Variants in ZNF385D observed in about 807,000 individuals in gnomAD.
The protein encoded by ZNF385D is zinc finger protein 659.
In ZNF385D, 15 loss-of-function variants were observed where a neutral mutation model predicts 35.8. The observed-to-expected ratio is 0.42, with a 90% CI of 0.28 to 0.64. ZNF385D has a LOEUF of 0.64. ZNF385D is among the 30% of genes least tolerant of loss of function. The probability of loss-of-function intolerance (pLI) is 0.23; values close to 1 mark genes in which losing one functional copy is unlikely to be tolerated. For synonymous variants in ZNF385D, 212 were observed against 186.8 expected, an observed-to-expected ratio of 1.13 and a Z score of -1.10; for missense variants, 474 against 494.6, an observed-to-expected ratio of 0.96 and a Z score of 0.39.
intron 3 of ZNF385D, among the ~76,000 whole-genome samples, chr3:21,559,407 C>G (rs985075605): frequency 2.6e-5 from 4 of 152,160 alleles, no homozygotes; most frequent in Non-Finnish European, 4.4e-5. Context: ...TTTATTTCTC[C>G]TTCACTTACA....
chr3:21,773,735 A>C (rs1402999992), intron 3 of ZNF385D, among the ~76,000 whole-genome samples: 1 of 149,710 alleles, frequency 6.7e-6, no homozygotes, highest in Non-Finnish European at 1.5e-5. Flanking sequence ...ATCTCATGCC[A>C]GTCAGAATGG....
At chr3:21,516,817 T>C (rs114832952) in intron 3 of ZNF385D, among the ~76,000 whole-genome samples, 1,751 of 152,208 alleles carry the variant, frequency 0.012, 31 homozygotes, top group African/African-American at 0.04. Flanking sequence ...CTAGGAATTA[T>C]GAAGGATAGA....
At chr3:21,738,498 A>T (rs2069354410) in intron 1 of ZNF385D, among the ~76,000 whole-genome samples, 1 of 152,224 alleles carries the variant, frequency 6.6e-6, no homozygotes, top group Non-Finnish European at 1.5e-5. Context: ...AGCTATTATT[A>T]GTAAGTTACA....
chr3:22,082,372 T>C (rs1002337695), intron 3 of ZNF385D, among the ~76,000 whole-genome samples: 2 of 152,308 alleles, frequency 1.3e-5, no homozygotes, highest in Admixed American at 6.5e-5. Context: ...TCCAATGGTC[T>C]TAGCAAATGG....
chr3:21,889,293 T>G (rs1175653522), intron 3 of ZNF385D, among the ~76,000 whole-genome samples: 1 of 152,042 alleles, frequency 6.6e-6, no homozygotes, highest in Non-Finnish European at 1.5e-5. Flanking sequence ...AGATCCTCCC[T>G]AAGGGGCCAG....
At chr3:21,924,989 C>A (rs1415340897) in intron 3 of ZNF385D, among the ~76,000 whole-genome samples, 2 of 151,850 alleles carry the variant, frequency 1.3e-5, no homozygotes, top group African/African-American at 2.4e-5. Context: ...CTAAAAACTG[C>A]AAAACAATGA....
chr3:22,365,355 C>T (rs530227354), intron 2 of ZNF385D, among the ~76,000 whole-genome samples: 2 of 151,914 alleles, frequency 1.3e-5, no homozygotes, highest in African/African-American at 4.8e-5. Flanking sequence ...AATTGAAAAA[C>T]AAAAAAGAAT....
At chr3:21,638,375 C>T (rs954869933) in intron 2 of ZNF385D, among the ~76,000 whole-genome samples, 2 of 152,002 alleles carry the variant, frequency 1.3e-5, no homozygotes, top group Admixed American at 1.3e-4. Flanking sequence ...ATGTCTTTCT[C>T]TGAGGCAAAG....
At chr3:21,976,879 T>G (rs144522475) in intron 3 of ZNF385D, among the ~76,000 whole-genome samples, 5,729 of 152,180 alleles carry the variant, frequency 0.038, 160 homozygotes, top group Non-Finnish European at 0.059. Flanking sequence ...TCCCAGCTAC[T>G]TGGGAGGCTG....
chr3:21,858,204 C>G, intron 3 of ZNF385D, among the ~76,000 whole-genome samples: 1 of 150,254 alleles, frequency 6.7e-6, no homozygotes, highest in Non-Finnish European at 1.5e-5. Context: ...CTGTTTATCT[C>G]AGAAACGTCA....
chr3:22,002,282 T>C (rs1341485237), intron 3 of ZNF385D, among the ~76,000 whole-genome samples: 1 of 151,436 alleles, frequency 6.6e-6, no homozygotes, highest in Non-Finnish European at 1.5e-5. Context: ...ATCACAGAAA[T>C]ACGAAGAAAC....
chr3:22,130,626 T>A (rs78641138), intron 3 of ZNF385D, among the ~76,000 whole-genome samples: 1,796 of 152,228 alleles, frequency 0.012, 33 homozygotes, highest in African/African-American at 0.04. Flanking sequence ...CTTCACTACA[T>A]TTTCCTTCCC....
chr3:21,691,846 C>T lies in ZNF385D; in HGVS notation c.23-26818G>A, dbSNP rs117691389. ...GCAAATCCAGAATGTTTTCATCATC[C>T]GAAAGTGAAATTCTGTACCCATTAT... On this transcript the variant is annotated intron_variant, in intron 1 of 7. Coordinates refer to ENST00000281523, the MANE Select transcript of ZNF385D (RefSeq NM_024697.3). Among the ~76,000 whole-genome samples the T allele has an allele frequency of 6.6e-4, 100 of 152,210 alleles. 1 individual carries two copies. Among genetic ancestry groups the T allele is most frequent in the African/African-American group, 2.1e-3 (86 of 41,538 alleles).
intron 2 of ZNF385D, among the ~76,000 whole-genome samples, chr3:22,232,960 C>A (rs1698981381): frequency 6.6e-6 from 1 of 152,096 alleles, no homozygotes; most frequent in Non-Finnish European, 1.5e-5. Flanking sequence ...ATTTTTAAAA[C>A]TTTGTTTTTA....
intron 3 of ZNF385D, among the ~76,000 whole-genome samples, chr3:21,790,315 T>A (rs1215652757): frequency 1.3e-5 from 2 of 152,068 alleles, no homozygotes; most frequent in Admixed American, 1.3e-4. Context: ...ATACTCCTGC[T>A]AAAATAGATG....
At chr3:22,290,990 A>T (rs1170319529) in intron 2 of ZNF385D, among the ~76,000 whole-genome samples, 1 of 152,144 alleles carries the variant, frequency 6.6e-6, no homozygotes, top group African/African-American at 2.4e-5. Flanking sequence ...ACTTCTTCTT[A>T]TATGGGCACT....
chr3:21,639,621 C>T (rs1219226463), intron 2 of ZNF385D, among the ~76,000 whole-genome samples: 1 of 151,916 alleles, frequency 6.6e-6, no homozygotes, highest in Non-Finnish European at 1.5e-5. Context: ...TTTTGTCCAG[C>T]ATTTTGATAT....
intron 2 of ZNF385D, among the ~76,000 whole-genome samples, chr3:22,247,520 C>G (rs376981828): frequency 2.0e-5 from 3 of 151,896 alleles, no homozygotes; most frequent in African/African-American, 7.3e-5. Context: ...GAGAACCATA[C>G]GGTATAATTT....
At chr3:21,748,925 AT>A (rs951716864) in intron 1 of ZNF385D, among the ~76,000 whole-genome samples, 147 of 149,084 alleles carry the variant, frequency 9.9e-4, no homozygotes, top group African/African-American at 3.4e-3. Context: ...TGTACCACAC[AT>A]TTTTTTTTTA....
Sources: allele counts gnomAD v4.1 joint callset (sites outside exome capture counted in the v4.1 genomes callset), GRCh38; gene constraint gnomAD v4.1.1; transcripts MANE v1.5; gene names NCBI Gene and HGNC (gene_info 2026-07-23, HGNC 2026-07-21).